The following FAM131B variants were observed in gnomAD, a reference collection of about 807,000 sequenced individuals.
FAM131B encodes protein FAM131B.
In FAM131B, 19 loss-of-function variants were observed where a neutral mutation model predicts 42.0. The ratio of observed to expected loss-of-function variants is 0.45; its 90% CI spans 0.32 to 0.66. FAM131B has a LOEUF of 0.66. FAM131B is among the 30% of genes least tolerant of loss of function. The pLI is 0.05. For synonymous variants in FAM131B, 183 were observed against 177.6 expected, an observed-to-expected ratio of 1.03 and a Z score of -0.24; for missense variants, 370 against 468.4, an observed-to-expected ratio of 0.79 and a Z score of 1.94.
chr7:143,364,960 C>T (rs147123487), upstream of FAM131B, among the ~76,000 whole-genome samples: 5 of 152,298 alleles, frequency 3.3e-5, no homozygotes, highest in Admixed American at 6.5e-5. Flanking sequence ...GTAGGTACTT[C>T]GGTGGTACCT....
rs749420469 is a variant in FAM131B, at chr7:143,359,437, G to C, written c.175-18C>G. On this transcript the variant is annotated intron_variant, in intron 3 of 6. Coordinates refer to ENST00000443739, the MANE Select transcript of FAM131B (RefSeq NM_001031690.3). This position sits in a 1 kb window ranked among gnomAD's most constrained non-coding sequence, Gnocchi z 5.4. ...ATGGAGAGCTGGGATGGGAATGTGGGAGGAAGGGCAGAGGAATAAGAAGGT... is the reference window on the plus strand; with the variant it reads ...ATGGAGAGCTGGGATGGGAATGTGGCAGGAAGGGCAGAGGAATAAGAAGGT... The C allele has an allele frequency of 6.3e-7, 1 of 1,590,862 alleles. No individual in the cohort carries two copies. Among genetic ancestry groups the C allele is most frequent in the Non-Finnish European group, 8.6e-7 (1 of 1,159,554 alleles).
chr7:143,376,675 C>T, the FAM131B span, among the ~76,000 whole-genome samples: 16 of 152,284 alleles, frequency 1.1e-4, no homozygotes, highest in African/African-American at 3.4e-4. Flanking sequence ...CATCATCCAC[C>T]GTGTCTGCAG....
In FAM131B at chr7:143,356,230, G is replaced by A. The variant is rs1398960897; in HGVS notation, c.*320C>T. The A allele has an allele frequency of 1.1e-5, 4 of 358,568 alleles. No homozygotes were observed. The highest frequency in any genetic ancestry group is 2.0e-5 in the Non-Finnish European group (4 of 195,538). 22.2% of individuals were successfully genotyped at this position (358,568 alleles called of 1,614,324 possible). ...ATCCAGTCTTGAGCACAGCTGCGCT[G>A]CCCCCGTCCTCAGGGTGCACACACT... On this transcript the variant is annotated 3_prime_UTR_variant, in exon 7 of 7. Transcript: ENST00000443739. This position sits in a 1 kb window ranked among gnomAD's most constrained non-coding sequence, Gnocchi z 4.4.
upstream of FAM131B, among the ~76,000 whole-genome samples, chr7:143,367,666 C>G (rs920356949): frequency 6.6e-6 from 1 of 152,036 alleles, no homozygotes; most frequent in Non-Finnish European, 1.5e-5. Context: ...TATCACGCCA[C>G]TATACTCTAG....
chr7:143,380,772 T>C, the FAM131B span: 1 of 985,116 alleles, frequency 1.0e-6, no homozygotes, highest in Admixed American at 6.1e-5. The surrounding 1 kb of genome is among the most constrained non-coding windows in gnomAD (Gnocchi z 5.0). Flanking sequence ...GCCCCGCTCC[T>C]CACCCCCCAT....
chr7:143,379,130 C>T, the FAM131B span, among the ~76,000 whole-genome samples: 2,504 of 152,318 alleles, frequency 0.016, 19 homozygotes, highest in Admixed American at 0.021. Context: ...ATTTTGCACG[C>T]GCACATTACT....
chr7:143,377,463 G>C, the FAM131B span, among the ~76,000 whole-genome samples: 1 of 152,282 alleles, frequency 6.6e-6, no homozygotes, highest in Admixed American at 6.5e-5. Flanking sequence ...AGGCAGACTT[G>C]AAAGGGGCTG....
chr7:143,372,415 T>C, the FAM131B span, among the ~76,000 whole-genome samples: 1 of 152,278 alleles, frequency 6.6e-6, no homozygotes, highest in Non-Finnish European at 1.5e-5. Flanking sequence ...GGCCAAGGGA[T>C]TGTCGAAGCA....
At chr7:143,381,162 G>C in the FAM131B span, 1 of 986,284 alleles carries the variant, frequency 1.0e-6, no homozygotes, top group African/African-American at 1.7e-5. Flanking sequence ...CCTGAGGCAG[G>C]ATCAGGGCCC....
chr7:143,367,310 A>G (rs553990994), upstream of FAM131B, among the ~76,000 whole-genome samples: 26 of 152,342 alleles, frequency 1.7e-4, no homozygotes, highest in South Asian at 5.4e-3. Flanking sequence ...GACACTATGA[A>G]AGAGACCAGC....
At chr7:143,371,611 C>A in the FAM131B span, among the ~76,000 whole-genome samples, 1 of 22,272 alleles carries the variant, frequency 4.5e-5, no homozygotes. Flanking sequence ...AAGACCCTGT[C>A]TCAAAAAAAA....
the FAM131B span, among the ~76,000 whole-genome samples, chr7:143,370,402 G>A: frequency 6.6e-6 from 1 of 152,210 alleles, no homozygotes; most frequent in African/African-American, 2.4e-5. Flanking sequence ...TCTTGAATAG[G>A]AGCTGGGTAA....
Position 143,358,909 on chromosome 7 carries a change from T to C in FAM131B, c.384A>G (p.Gln128=). The C allele has an allele frequency of 6.2e-7, 1 of 1,614,150 alleles. No homozygotes were observed. The change falls in exon 5 of 7, where the codon CAA becomes CAG. Residue 128 remains glutamine, a synonymous_variant. Transcript: ENST00000443739. This position sits in a 1 kb window ranked among gnomAD's most constrained non-coding sequence, Gnocchi z 4.7. ...CCCTGCGCACGGACTCATGGCTGTG[T>C]TGTGGCTGAACAGCTGGTGTCTTCC... ...GWGKTPAVQP[Q]HSHESVRRDT... is the part of the protein sequence containing the mutation.
At chr7:143,380,048 C>T in the FAM131B span, 3 of 984,618 alleles carry the variant, frequency 3.0e-6, no homozygotes, top group Non-Finnish European at 3.6e-6. This position sits in a 1 kb window ranked among gnomAD's most constrained non-coding sequence, Gnocchi z 5.0. Context: ...AGAGTGTAGC[C>T]GGATTTGGAG....
upstream of FAM131B, among the ~76,000 whole-genome samples, chr7:143,366,820 AG>A (rs1334406043): frequency 4.6e-5 from 7 of 152,186 alleles, no homozygotes; most frequent in African/African-American, 1.4e-4. Context: ...GGCCTCCCAA[AG>A]TACTGGGATT....
chr7:143,373,235 T>C, the FAM131B span, among the ~76,000 whole-genome samples: 1 of 151,508 alleles, frequency 6.6e-6, no homozygotes, highest in African/African-American at 2.4e-5. Flanking sequence ...ATACAAAAAT[T>C]AGTCAGGTGT....
upstream of FAM131B, among the ~76,000 whole-genome samples, chr7:143,367,089 C>T (rs754399860): frequency 2.0e-5 from 3 of 152,166 alleles, no homozygotes; most frequent in Non-Finnish European, 2.9e-5. Flanking sequence ...TAGTTCTCCC[C>T]CGACCCCTAC....
the FAM131B span, among the ~76,000 whole-genome samples, chr7:143,371,994 T>C: frequency 6.6e-6 from 1 of 152,242 alleles, no homozygotes; most frequent in East Asian, 1.9e-4. Flanking sequence ...ATTTTCTCCT[T>C]GCAACAGGAA....
At chr7:143,371,162 C>T in the FAM131B span, among the ~76,000 whole-genome samples, 8 of 152,252 alleles carry the variant, frequency 5.3e-5, no homozygotes, top group South Asian at 2.1e-4. Flanking sequence ...CTAGGTTCTA[C>T]GATCCAAAAC....
Sources: gnomAD v4.1 joint callset for allele counts (sites outside exome capture counted in the v4.1 genomes callset) on GRCh38, gnomAD v4.1.1 for gene constraint, Gnocchi (gnomAD v3.1) non-coding constraint, MANE v1.5 for transcripts, NCBI Gene and HGNC (gene_info 2026-07-23, HGNC 2026-07-21) for gene names.